GXYLT2: variants seen among roughly 807,000 people sequenced by gnomAD.
GXYLT2 encodes the protein glucoside xylosyltransferase 2.
In GXYLT2, 53 loss-of-function variants were observed where a neutral mutation model predicts 45.8. The observed-to-expected ratio is 1.16, with a 90% CI of 0.93 to 1.46. The LOEUF is 1.46. GXYLT2 is among the 40% of genes most tolerant of loss of function. The probability of loss-of-function intolerance (pLI) is 0.00; values close to 1 mark genes in which losing one functional copy is unlikely to be tolerated. For synonymous variants in GXYLT2, 219 were observed against 214.2 expected (o/e 1.02, Z -0.19); for missense variants, 551 against 544.4 (o/e 1.01, Z -0.12).
Position 72,975,155 on chromosome 3 carries a change from AC to A in GXYLT2, c.1329del (p.Ter444GlufsTer10). ...VIIHVGPNQM[H>X] ...ATCCATGTTGGCCCCAACCAGATGC[AC>A]TGAATATTTTGTCTTGTTGCAAGTC... On this transcript the variant is annotated frameshift_variant, in exon 7 of 7. Transcript: ENST00000389617. LOFTEE classifies it high-confidence loss of function. The A allele has an allele frequency of 6.2e-7, 1 of 1,609,984 alleles. No individual in the cohort carries two copies. Among genetic ancestry groups the A allele is most frequent in the South Asian group, 1.1e-5 (1 of 90,582 alleles).
chr3:72,927,897 G>A (rs1395886102), intron 3 of GXYLT2, among the ~76,000 whole-genome samples: 1 of 152,186 alleles, frequency 6.6e-6, no homozygotes, highest in Non-Finnish European at 1.5e-5. Flanking sequence ...TTGGTTATAT[G>A]TGAGAGAAAC....
chr3:72,905,064 CAAAAAAAAAA>C (rs1177216917), intron 1 of GXYLT2, among the ~76,000 whole-genome samples: 3 of 36,242 alleles, frequency 8.3e-5, no homozygotes, highest in Non-Finnish European at 1.4e-4. Context: ...GATTCTGTCT[CAAAAAAAAAA>C]AAAAAAAAAA....
chr3:72,953,115 C>T (rs1337500075), intron 3 of GXYLT2, among the ~76,000 whole-genome samples: 1 of 152,036 alleles, frequency 6.6e-6, no homozygotes, highest in Non-Finnish European at 1.5e-5. Flanking sequence ...TTGAATCATC[C>T]AAGCAGAGGT....
At chr3:72,958,148 C>T (rs900685640) in intron 5 of GXYLT2, among the ~76,000 whole-genome samples, 4 of 151,840 alleles carry the variant, frequency 2.6e-5, no homozygotes, top group Admixed American at 2.0e-4. Flanking sequence ...GTGGTAGGCA[C>T]CTGTAATCCC....
chr3:72,968,165 G>T (rs1235606401), intron 6 of GXYLT2, among the ~76,000 whole-genome samples: 2 of 152,008 alleles, frequency 1.3e-5, no homozygotes, highest in Non-Finnish European at 1.5e-5. Flanking sequence ...GTAGAGATGG[G>T]GTTTCACCAT....
rs1046929599 is a variant in GXYLT2, at chr3:72,959,625, T to C, written c.976+2273T>C. Among the ~76,000 whole-genome samples, 51 of 151,886 alleles carry C rather than the reference T, an allele frequency of 3.4e-4. 3 individuals carry two copies. Among genetic ancestry groups the C allele is most frequent in the Non-Finnish European group, 2.9e-5 (2 of 67,964 alleles). On this transcript the variant is annotated intron_variant, in intron 5 of 6. Transcript: ENST00000389617. ...GTCTGCATCTCTTCCTTTTTCTTCT[T>C]AGGTAGGTTTCATCTTTTTTTTTTC...
At chr3:72,965,565 G>A (rs1710851248) in intron 5 of GXYLT2, among the ~76,000 whole-genome samples, 1 of 152,094 alleles carries the variant, frequency 6.6e-6, no homozygotes. Flanking sequence ...GAAGCTAGGG[G>A]GTCATGAATT....
Position 72,967,592 on chromosome 3 carries a change from A to G in GXYLT2, c.1022A>G (p.His341Arg). The change falls in exon 6 of 7, where the codon CAC (histidine) becomes CGC (arginine). Residue 341 changes from histidine (H) to arginine (R), a missense_variant. Transcript: ENST00000389617. ...FPCQWNYRPD[H>R]CMYGSNCREA... ...TGCCAGTGGAACTACCGTCCCGATCACTGCATGTACGGAAGCAACTGCAGA... is the reference window on the plus strand; with the variant it reads ...TGCCAGTGGAACTACCGTCCCGATCGCTGCATGTACGGAAGCAACTGCAGA... 1 of 1,613,864 alleles carries G rather than the reference A, an allele frequency of 6.2e-7. No individual in the cohort carries two copies. The highest frequency in any genetic ancestry group is 8.5e-7 in the Non-Finnish European group (1 of 1,179,778).
chr3:72,974,921 T>C, intron 6 of GXYLT2, 56 bp from the exon 7 acceptor site: 2 of 1,271,056 alleles, frequency 1.6e-6, no homozygotes, highest in Non-Finnish European at 2.2e-6. Context: ...AAAAATGATC[T>C]GCATTTAAAA....
chr3:72,957,499 GC>G (rs371654231), intron 5 of GXYLT2, 147 bp downstream of exon 5: 3 of 753,084 alleles, frequency 4.0e-6, no homozygotes, highest in Non-Finnish European at 6.2e-6. Context: ...CCTTTCATCC[GC>G]CCCCCTGGGT....
rs931224360 is a variant in GXYLT2 at position 72,913,036 on chromosome 3, T to G, written c.468+4477T>G. 2.3e-3 allele frequency among the ~76,000 whole-genome samples: 308 copies of G among 132,518 alleles called. 1 individual carries two copies. The highest frequency in any genetic ancestry group is 8.6e-3 in the African/African-American group (251 of 29,328). 86.9% of individuals were successfully genotyped at this position (132,518 alleles called of 152,430 possible). On this transcript the variant is annotated intron_variant, in intron 2 of 6. Transcript: ENST00000389617. The stretch of plus-strand genomic sequence containing the variant: ...TTCATTTCCTCAGGTTTTTTTTTTG[T>G]TTTTTTTTTTGTTTTTTTTGAGACG...
At chr3:72,949,318 A>C (rs1710470511) in intron 3 of GXYLT2, among the ~76,000 whole-genome samples, 2 of 151,378 alleles carry the variant, frequency 1.3e-5, no homozygotes, top group Admixed American at 1.3e-4. Flanking sequence ...CCGCTTATTT[A>C]TCTCTTAGCT....
rs1045429287 is a variant in GXYLT2, at chr3:72,975,238, G to C, written c.*79G>C. 3 of 1,114,794 alleles carry C rather than the reference G, an allele frequency of 2.7e-6. No homozygotes were observed. The highest frequency in any genetic ancestry group is 3.8e-6 in the Non-Finnish European group (3 of 792,628). The allele number at this position is 1,114,794 out of a possible 1,614,324, so 69.1% of individuals were successfully genotyped here. A position where few individuals can be genotyped will look rare whatever the true frequency, so the allele number is the denominator to read the frequency against. On this transcript the variant is annotated 3_prime_UTR_variant, in exon 7 of 7. Transcript: ENST00000389617. ...ATCTCTAAGCTGCCTGGGTCTTTTT[G>C]TGTGAATATTTAATGGTGCTCCATG...
chr3:72,951,842 TTTTA>T (rs1388576588), intron 3 of GXYLT2, among the ~76,000 whole-genome samples: 1 of 152,032 alleles, frequency 6.6e-6, no homozygotes, highest in Non-Finnish European at 1.5e-5. Context: ...TTTTGTTTTG[TTTTA>T]TTTGTTTTTG....
At position 72,888,374 on chromosome 3, in the gene GXYLT2, C is replaced by G; in HGVS notation, c.141C>G (p.Pro47=). 2 of 984,754 alleles carry G rather than the reference C, an allele frequency of 2.0e-6. No homozygotes were observed. Among genetic ancestry groups the G allele is most frequent in the Non-Finnish European group, 1.2e-6 (1 of 831,178 alleles). 61.0% of individuals were successfully genotyped at this position (984,754 alleles called of 1,614,324 possible). A position where few individuals can be genotyped will look rare whatever the true frequency, so the allele number is the denominator to read the frequency against. The change falls in exon 1 of 7, where the codon CCC becomes CCG. Residue 47 remains proline (P), a synonymous_variant. Transcript: ENST00000389617. ...ARPASAPQRH[P]APVPARWPGP... is the part of the protein sequence containing the mutation. ...CCGCGTCCGCCCCGCAGCGCCACCCCGCGCCTGTCCCCGCGCGCTGGCCGG... is the reference window on the plus strand; with the variant it reads ...CCGCGTCCGCCCCGCAGCGCCACCCGGCGCCTGTCCCCGCGCGCTGGCCGG...
chr3:72,952,054 G>A (rs981672125), intron 3 of GXYLT2, among the ~76,000 whole-genome samples: 1 of 150,112 alleles, frequency 6.7e-6, no homozygotes, highest in Non-Finnish European at 1.5e-5. Context: ...CCAGGCTGGA[G>A]TGCAGTGTCA....
intron 2 of GXYLT2, among the ~76,000 whole-genome samples, chr3:72,910,904 T>G (rs1483172339): frequency 1.3e-5 from 2 of 152,174 alleles, no homozygotes; most frequent in African/African-American, 2.4e-5. Context: ...TTGTACAATA[T>G]CTGTCTACCC....
intron 3 of GXYLT2, among the ~76,000 whole-genome samples, chr3:72,942,044 G>C (rs941757951): frequency 2.0e-5 from 3 of 152,058 alleles, no homozygotes; most frequent in Non-Finnish European, 4.4e-5. Flanking sequence ...TAACCTTATG[G>C]TGCCAGAAGG....
At chr3:72,951,796 TTTTTGTTTTG>T (rs896620692) in intron 3 of GXYLT2, among the ~76,000 whole-genome samples, 41 of 152,116 alleles carry the variant, frequency 2.7e-4, no homozygotes, top group African/African-American at 9.2e-4. Flanking sequence ...AAATTCTGTT[TTTTTGTTTTG>T]TTTTGTTTTG....
Sources: gnomAD v4.1 joint callset for allele counts (sites outside exome capture counted in the v4.1 genomes callset) on GRCh38, gnomAD v4.1.1 for gene constraint, MANE v1.5 for transcripts, NCBI Gene and HGNC (gene_info 2026-07-23, HGNC 2026-07-21) for gene names.